DLGAP2: variants seen among roughly 807,000 people sequenced by gnomAD.
The protein encoded by DLGAP2 is DLG associated protein 2.
Under a neutral mutation model 100.3 loss-of-function variants are expected in DLGAP2, and 26 were observed. That is an observed-to-expected ratio of 0.26 (90% confidence interval 0.19 to 0.36). The LOEUF (loss-of-function observed/expected upper bound fraction) is 0.36. Ranked by LOEUF, DLGAP2 falls within the 10% of genes least tolerant of loss-of-function variation. The pLI is 1.00. For synonymous variants in DLGAP2, 886 were observed against 630.1 expected, an observed-to-expected ratio of 1.41 and a Z score of -6.08; for missense variants, 1,858 against 1,453.2, an observed-to-expected ratio of 1.28 and a Z score of -4.53.
At chr8:1,038,404 T>C (rs1223918556) in intron 2 of DLGAP2, among the ~76,000 whole-genome samples, 1 of 152,172 alleles carries the variant, frequency 6.6e-6, no homozygotes, top group Non-Finnish European at 1.5e-5. Flanking sequence ...AAATGTCCTC[T>C]GAAGTCCAGG....
intron 1 of DLGAP2, among the ~76,000 whole-genome samples, chr8:879,292 A>C (rs548845739): frequency 6.6e-6 from 1 of 152,188 alleles, no homozygotes; most frequent in African/African-American, 2.4e-5. Context: ...TGTGAAGACC[A>C]TTCCCCGGAG....
intron 2 of DLGAP2, among the ~76,000 whole-genome samples, chr8:1,209,792 C>G (rs1421954122): frequency 6.6e-6 from 1 of 152,120 alleles, no homozygotes; most frequent in Non-Finnish European, 1.5e-5. Context: ...GATGGTCTGA[C>G]TTGTCTGTAT....
chr8:907,516 A>G (rs987000940), intron 1 of DLGAP2, among the ~76,000 whole-genome samples: 8 of 152,216 alleles, frequency 5.3e-5, no homozygotes, highest in African/African-American at 1.4e-4. Flanking sequence ...ACCCAGCACA[A>G]TGTTCCAACA....
intron 2 of DLGAP2, among the ~76,000 whole-genome samples, chr8:917,961 C>G (rs1456364839): frequency 6.6e-6 from 1 of 152,126 alleles, no homozygotes; most frequent in African/African-American, 2.4e-5. Context: ...TCATGACTTT[C>G]TGAGATATGT....
At chr8:1,335,319 C>T (rs2117068353) in intron 3 of DLGAP2, among the ~76,000 whole-genome samples, 1 of 152,286 alleles carries the variant, frequency 6.6e-6, no homozygotes, top group East Asian at 1.9e-4. Context: ...TTCAGCTGGT[C>T]ACTGTGGACA....
chr8:1,645,474 G>A (rs1044586517), intron 8 of DLGAP2, among the ~76,000 whole-genome samples: 12 of 152,292 alleles, frequency 7.9e-5, no homozygotes, highest in Non-Finnish European at 1.5e-4. Flanking sequence ...TCCCACTTAC[G>A]ATGTTTTTAG....
At chr8:913,759 G>A (rs1013922326) in intron 2 of DLGAP2, among the ~76,000 whole-genome samples, 2 of 152,216 alleles carry the variant, frequency 1.3e-5, no homozygotes, top group Admixed American at 6.5e-5. Flanking sequence ...ACAGGTTTGC[G>A]CTAAGTCAGT....
chr8:1,380,039 G>A (rs548882771), intron 3 of DLGAP2: 1 of 152,326 alleles, frequency 6.6e-6, no homozygotes, highest in Non-Finnish European at 1.5e-5. Flanking sequence ...CTGGTCAGGA[G>A]ATGCCTGCTC....
Position 1,548,614 on chromosome 8 carries a change from G to T in DLGAP2, c.173-12G>T. On this transcript the variant is annotated splice_polypyrimidine_tract_variant and intron_variant, in intron 4 of 14. Transcript: ENST00000637795. ...CTTCCGGGTGTTCAATGCCGTTTCT[G>T]TTTCCCCACAGACCCGCAGTACTCA... 1 of 1,487,660 alleles carries T rather than the reference G, an allele frequency of 6.7e-7. No homozygotes were observed. Among genetic ancestry groups the T allele is most frequent in the Non-Finnish European group, 8.9e-7 (1 of 1,120,490 alleles). 92.2% of individuals were successfully genotyped at this position (1,487,660 alleles called of 1,614,324 possible). A position where few individuals can be genotyped will look rare whatever the true frequency, so the allele number is the denominator to read the frequency against.
chr8:948,986 C>A (rs1799405833), intron 2 of DLGAP2, among the ~76,000 whole-genome samples: 1 of 149,260 alleles, frequency 6.7e-6, no homozygotes, highest in African/African-American at 2.5e-5. Flanking sequence ...CTTGAGGAGT[C>A]GCCGGGGTGG....
At chr8:952,208 T>G (rs1376948482) in intron 2 of DLGAP2, among the ~76,000 whole-genome samples, 1 of 152,216 alleles carries the variant, frequency 6.6e-6, no homozygotes, top group African/African-American at 2.4e-5. Flanking sequence ...ATGTGCCTCC[T>G]TGTGACCCCA....
chr8:1,047,680 G>A (rs1317339046), intron 2 of DLGAP2, among the ~76,000 whole-genome samples: 1 of 151,960 alleles, frequency 6.6e-6, no homozygotes. Context: ...GTGTCCCACT[G>A]TGTCCCACAG....
At chr8:1,113,431 A>C (rs767528457) in intron 2 of DLGAP2, among the ~76,000 whole-genome samples, 1 of 152,162 alleles carries the variant, frequency 6.6e-6, no homozygotes, top group African/African-American at 2.4e-5. Context: ...TGTCAGCTGC[A>C]TTCCTAGGTA....
intron 3 of DLGAP2, among the ~76,000 whole-genome samples, chr8:1,424,859 C>G (rs1199523492): frequency 6.6e-6 from 1 of 152,178 alleles, no homozygotes; most frequent in Non-Finnish European, 1.5e-5. Flanking sequence ...CAGAGGGAGG[C>G]TGCCAGCAGC....
intron 3 of DLGAP2, among the ~76,000 whole-genome samples, chr8:1,291,628 G>A (rs116450057): frequency 1.3e-5 from 2 of 152,088 alleles, no homozygotes; most frequent in Admixed American, 6.5e-5. Flanking sequence ...TTAAAATTAC[G>A]GGATCAGGCT....
chr8:1,419,773 G>C (rs962551905), intron 3 of DLGAP2, among the ~76,000 whole-genome samples: 15 of 152,144 alleles, frequency 9.9e-5, no homozygotes, highest in African/African-American at 3.6e-4. Context: ...ATATAAATTA[G>C]TCTAGCCACT....
chr8:1,505,983 T>C (rs940069009), intron 4 of DLGAP2, among the ~76,000 whole-genome samples: 4 of 152,234 alleles, frequency 2.6e-5, no homozygotes, highest in African/African-American at 9.6e-5. Flanking sequence ...AAGCACATAT[T>C]ATATATGCAG....
intron 2 of DLGAP2, among the ~76,000 whole-genome samples, chr8:1,232,163 G>C (rs1321677734): frequency 6.6e-6 from 1 of 152,208 alleles, no homozygotes; most frequent in African/African-American, 2.4e-5. Flanking sequence ...ACTGGGTGGT[G>C]CTGAGCCTTT....
intron 3 of DLGAP2, among the ~76,000 whole-genome samples, chr8:1,332,425 G>T (rs948680418): frequency 1.3e-5 from 2 of 152,094 alleles, no homozygotes; most frequent in Non-Finnish European, 2.9e-5. Context: ...GCGTGTGTCA[G>T]TGTATATATG....
Sources: gnomAD v4.1 joint callset for allele counts (sites outside exome capture counted in the v4.1 genomes callset) on GRCh38, gnomAD v4.1.1 for gene constraint, MANE v1.5 for transcripts, NCBI Gene and HGNC (gene_info 2026-07-23, HGNC 2026-07-21) for gene names.